NDUFB1: variants seen among roughly 807,000 people sequenced by gnomAD.
The protein encoded by NDUFB1 is NADH:ubiquinone oxidoreductase subunit B1.
In NDUFB1, 6 loss-of-function variants were observed where a neutral mutation model predicts 6.7. That is an observed-to-expected ratio of 0.89 (90% CI 0.49 to 1.76). NDUFB1 has a LOEUF of 1.76. Ranked by LOEUF, NDUFB1 falls within the 40% of genes most tolerant of loss-of-function variation. The probability of loss-of-function intolerance (pLI) is 0.01; values close to 1 mark genes in which losing one functional copy is unlikely to be tolerated. For synonymous variants in NDUFB1, 17 were observed against 22.9 expected, an observed-to-expected ratio of 0.74 and a Z score of 0.74; for missense variants, 56 against 71.0, an observed-to-expected ratio of 0.79 and a Z score of 0.76.
intron 1 of NDUFB1, chr14:92,118,575 T>G (rs2068731812): frequency 6.6e-6 from 1 of 152,204 alleles, no homozygotes; most frequent in Non-Finnish European, 1.5e-5. Flanking sequence ...GGTAAAGCTG[T>G]AATTACTGAA....
intron 2 of NDUFB1, among the ~76,000 whole-genome samples, chr14:92,117,152 G>A (rs541179797): frequency 6.6e-6 from 1 of 152,340 alleles, no homozygotes; most frequent in African/African-American, 2.4e-5. Flanking sequence ...GCTATAGCAT[G>A]TCTTAAGTAA....
intron 1 of NDUFB1, among the ~76,000 whole-genome samples, chr14:92,120,613 G>T (rs2068751011): frequency 6.6e-6 from 1 of 151,948 alleles, no homozygotes; most frequent in Non-Finnish European, 1.5e-5. Context: ...GCCTCCCAAA[G>T]TGCTGGGATT....
intron 2 of NDUFB1, among the ~76,000 whole-genome samples, chr14:92,117,036 G>A (rs1170142886): frequency 6.6e-6 from 1 of 152,190 alleles, no homozygotes. Context: ...AGGCACAATG[G>A]GACCAGGCAG....
rs76697170 is a variant in NDUFB1 at position 92,116,821 on chromosome 14, C to A, written c.141-592G>T. Among the ~76,000 whole-genome samples the A allele has an allele frequency of 6.1e-3, 922 of 152,260 alleles. 12 individuals carry two copies. Among genetic ancestry groups the A allele is most frequent in the African/African-American group, 0.021 (877 of 41,548 alleles). On this transcript the variant is annotated intron_variant, in intron 2 of 2. Coordinates refer to ENST00000605997, the MANE Select transcript of NDUFB1 (RefSeq NM_004545.4). The stretch of plus-strand genomic sequence containing the variant: ...ATTATCTCTGCTCAGTGAGTTCATT[C>A]GAAATGTTTTCTAAACCCTTTCCAG...
chr14:92,116,294 A>C, intron 2 of NDUFB1, 65 bp from the exon 3 acceptor site: 1 of 1,262,610 alleles, frequency 7.9e-7, no homozygotes, highest in South Asian at 1.3e-5. Flanking sequence ...ACGAGATAAA[A>C]GGGGAAGTCA....
At chr14:92,117,174 A>G in intron 2 of NDUFB1, among the ~76,000 whole-genome samples, 1 of 152,248 alleles carries the variant, frequency 6.6e-6, no homozygotes, top group East Asian at 1.9e-4. Context: ...ATAATATATG[A>G]CAATATATGT....
In NDUFB1 at chr14:92,121,705, G is replaced by C. The variant is rs138437079; in HGVS notation, c.-69C>G. 10 of 1,613,812 alleles carry C rather than the reference G, an allele frequency of 6.2e-6. No homozygotes were observed. In the African/African-American group the frequency reaches 1.3e-4, roughly 22 times the overall value. The stretch of plus-strand genomic sequence containing the variant: ...GCAACAGGGAACTCAACCCGCGCCA[G>C]TGGAAGCTGCGACCTCGGGACCTGC... On this transcript the variant is annotated 5_prime_UTR_variant, in exon 1 of 3. Transcript: ENST00000605997.
In NDUFB1 at chr14:92,117,634, C is replaced by T; in HGVS notation, c.4G>A (p.Val2Met). Reference protein sequence around the residue: MVNLLQIVRDHW... With the variant: MMNLLQIVRDHW... The stretch of plus-strand genomic sequence containing the variant: ...TCCCGCACAATCTGAAGTAAGTTCA[C>T]CATGATAGCTAAAAGAAAAAAAAAT... Residue 2 changes from valine to methionine, a missense_variant, in exon 2 of 3, where the codon GTG becomes ATG. Val to Met is a conservative substitution (Grantham distance 21). Transcript: ENST00000605997. The T allele has an allele frequency of 6.2e-7, 1 of 1,613,202 alleles. No individual in the cohort carries two copies. The highest frequency in any genetic ancestry group is 8.5e-7 in the Non-Finnish European group (1 of 1,179,802).
intron 2 of NDUFB1, 105 bp downstream of exon 2, chr14:92,117,393 G>A: frequency 3.5e-6 from 4 of 1,139,004 alleles, no homozygotes; most frequent in Non-Finnish European, 5.3e-6. Flanking sequence ...TTGAATCTAA[G>A]TCCTCAAGGG....
intron 2 of NDUFB1, among the ~76,000 whole-genome samples, chr14:92,117,146 T>C (rs993412803): frequency 2.0e-5 from 3 of 152,264 alleles, no homozygotes; most frequent in African/African-American, 4.8e-5. Context: ...ATCTCAGCTA[T>C]AGCATGTCTT....
chr14:92,116,242 CA>C lies in NDUFB1; in HGVS notation c.141-14del. On this transcript the variant is annotated splice_polypyrimidine_tract_variant and intron_variant, in intron 2 of 2. Transcript: ENST00000605997. Reference sequence around the variant, plus strand: ...GGGTTGCAATTCCCTGTGTGGAAAGCAAAAAAGGAAGAAATGGAAAAACTGT... The same window carrying C: ...GGGTTGCAATTCCCTGTGTGGAAAGCAAAAAGGAAGAAATGGAAAAACTGT... 6.3e-7 allele frequency: 1 copy of C among 1,577,394 alleles called. No homozygotes were observed. The highest frequency in any genetic ancestry group is 8.6e-7 in the Non-Finnish European group (1 of 1,160,962).
intron 1 of NDUFB1, chr14:92,121,368 T>A: frequency 1.8e-6 from 1 of 549,434 alleles, no homozygotes. Flanking sequence ...TTCTCTCCAG[T>A]CCGGTTAGCG....
chr14:92,116,205 A>G lies in NDUFB1; in HGVS notation c.165T>C (p.Val55=), dbSNP rs771709883. 4 of 1,613,180 alleles carry G rather than the reference A, an allele frequency of 2.5e-6. No individual in the cohort carries two copies. The African/African-American group carries it at 5.3e-5, about 22-fold the overall frequency. Residue 55 remains valine (V), a synonymous_variant, in exon 3 of 3, where the codon GTT becomes GTC. Transcript: ENST00000605997. ...ATCTAGCCAGTCTTTACTTCCAGGT[A>G]ACTTCTTCACTGGGTTGCAATTCCC... ...FKRELQPSEE[V]TWK
At chr14:92,117,348 G>A (rs1052366453) in intron 2 of NDUFB1, 150 bp downstream of exon 2, 1 of 787,230 alleles carries the variant, frequency 1.3e-6, no homozygotes, top group Non-Finnish European at 2.2e-6. Context: ...TTTATCCAAG[G>A]ATTCAATAAC....
rs2068764254 is a variant in NDUFB1 at position 92,121,562 on chromosome 14, C to T, written c.-6+80G>A. The T allele has an allele frequency of 1.8e-5, 28 of 1,596,512 alleles. 1 individual carries two copies. The South Asian group carries it at 2.8e-4, about 16-fold the overall frequency. On this transcript the variant is annotated intron_variant, in intron 1 of 2. Transcript: ENST00000605997. The stretch of plus-strand genomic sequence containing the variant: ...ACCACCCCTCCACACATGCACAGCA[C>T]CGAGGGCTTGCCTAGAACCCTCCCC...
intron 1 of NDUFB1, among the ~76,000 whole-genome samples, chr14:92,119,303 T>C (rs1437980425): frequency 7.9e-6 from 1 of 126,656 alleles, no homozygotes; most frequent in Non-Finnish European, 1.6e-5. Flanking sequence ...CAGAGCGTGA[T>C]GCTGTCTCAA....
chr14:92,116,301 G>T, intron 2 of NDUFB1, 72 bp from the exon 3 acceptor site: 19 of 995,182 alleles, frequency 1.9e-5, no homozygotes, highest in Non-Finnish European at 2.6e-5. Context: ...AAAAGGGGAA[G>T]TCAGAAGAAT....
At chr14:92,117,475 G>A (rs1184689006) in intron 2 of NDUFB1, 23 bp downstream of exon 2, 3 of 1,611,558 alleles carry the variant, frequency 1.9e-6, no homozygotes, top group Non-Finnish European at 2.5e-6. Context: ...GCCAATTGCT[G>A]GTTTAAAAAA....
At chr14:92,121,391 G>A in intron 1 of NDUFB1, 2 of 605,072 alleles carry the variant, frequency 3.3e-6, no homozygotes, top group Admixed American at 3.0e-5. Context: ...CGGTCACTGG[G>A]TCACATCTCT....
Sources: allele counts gnomAD v4.1 joint callset (sites outside exome capture counted in the v4.1 genomes callset), GRCh38; gene constraint gnomAD v4.1.1; transcripts MANE v1.5; gene names NCBI Gene and HGNC (gene_info 2026-07-23, HGNC 2026-07-21).